Variants in PDE4DIP observed in about 807,000 individuals in gnomAD.
PDE4DIP encodes the protein myomegalin.
Under a neutral mutation model 221.4 loss-of-function variants are expected in PDE4DIP, and 59 were observed. The observed-to-expected ratio is 0.27, with a 90% CI of 0.22 to 0.33. The LOEUF is 0.33. PDE4DIP is among the 10% of genes least tolerant of loss of function. The pLI, the probability that PDE4DIP is intolerant of heterozygous loss-of-function variation, is 1.00. For missense variants in PDE4DIP, 1,036 were observed against 2,154.2 expected (o/e 0.48, Z 10.28); for synonymous variants, 404 against 815.9 (o/e 0.50, Z 8.60).
intron 20 of PDE4DIP, among the ~76,000 whole-genome samples, chr1:148,980,656 A>G (rs1318833444): frequency 6.6e-6 from 1 of 151,468 alleles, no homozygotes. Flanking sequence ...TATTATTATT[A>G]TTTTTGCTAT....
At chr1:148,981,700 T>C in intron 21 of PDE4DIP, 1 of 341,884 alleles carries the variant, frequency 2.9e-6, no homozygotes, top group South Asian at 3.0e-5. Flanking sequence ...GTTTTTCCAC[T>C]TTTATTCATT....
intron 13 of PDE4DIP, 96 bp downstream of exon 16, chr1:148,968,001 G>C: frequency 1.4e-6 from 1 of 722,176 alleles, no homozygotes; most frequent in South Asian, 2.5e-5. Context: ...TGTGACCCAA[G>C]TCTTTAATTT....
At chr1:149,015,320 G>C (rs1356407286) in intron 32 of PDE4DIP, among the ~76,000 whole-genome samples, 1 of 151,702 alleles carries the variant, frequency 6.6e-6, no homozygotes, top group Non-Finnish European at 1.5e-5. Flanking sequence ...CTACAAGTAG[G>C]GCTAAAAACT....
intron 42 of PDE4DIP, 80 bp downstream of exon 45, chr1:149,030,005 C>T: frequency 3.4e-6 from 2 of 587,926 alleles, no homozygotes; most frequent in Non-Finnish European, 2.9e-6. Flanking sequence ...GAGCAGTGAC[C>T]AGGGGGGCTT....
At chr1:148,984,712 A>ATTGTCCT (rs1388503894) in intron 21 of PDE4DIP, 1 of 152,070 alleles carries the variant, frequency 6.6e-6, no homozygotes, top group Non-Finnish European at 1.5e-5. Flanking sequence ...TATACTGAAA[A>ATTGTCCT]TTGTCCTTTT....
At chr1:148,960,091 A>G (rs2056524302) in intron 5 of PDE4DIP, among the ~76,000 whole-genome samples, 1 of 152,420 alleles carries the variant, frequency 6.6e-6, no homozygotes, top group Admixed American at 6.5e-5. Context: ...TTATTTCTTA[A>G]GGACAAGGAC....
chr1:148,885,837 T>C (rs1246366372), upstream of PDE4DIP, among the ~76,000 whole-genome samples: 1 of 109,570 alleles, frequency 9.1e-6, no homozygotes, highest in Admixed American at 9.7e-5. Flanking sequence ...TAGTATTATA[T>C]ATTACATACA....
chr1:148,997,498 G>A (rs2064538588), intron 22 of PDE4DIP, among the ~76,000 whole-genome samples: 1 of 152,176 alleles, frequency 6.6e-6, no homozygotes, highest in African/African-American at 2.4e-5. Flanking sequence ...CTGCTTGGCA[G>A]GATGGCTTCA....
chr1:148,974,850 C>G (rs1431158236), intron 17 of PDE4DIP, among the ~76,000 whole-genome samples: 1 of 66,272 alleles, frequency 1.5e-5, no homozygotes, highest in African/African-American at 5.4e-5. Context: ...ACCCTCTCTC[C>G]CCATTGCTAA....
At chr1:148,821,705 T>C (rs1156622380) in intron 1 of PDE4DIP, among the ~76,000 whole-genome samples, 1 of 144,620 alleles carries the variant, frequency 6.9e-6, no homozygotes, top group Non-Finnish European at 1.5e-5. Flanking sequence ...GAAGTGGATG[T>C]TATTCTAAGG....
chr1:148,888,671 A>T (rs2596268), upstream of PDE4DIP, among the ~76,000 whole-genome samples: 54 of 18,880 alleles, frequency 2.9e-3, no homozygotes, highest in African/African-American at 8.8e-3. Flanking sequence ...CTTCCTGCTA[A>T]TGTTGCAGCT....
At chr1:148,954,191 T>C (rs2054517871) in intron 5 of PDE4DIP, among the ~76,000 whole-genome samples, 1 of 152,110 alleles carries the variant, frequency 6.6e-6, no homozygotes, top group Non-Finnish European at 1.5e-5. Flanking sequence ...TTTTTTCCTA[T>C]AAAAAGAAGA....
chr1:148,877,226 T>C (rs1170383920), intron 3 of PDE4DIP, among the ~76,000 whole-genome samples: 37 of 150,272 alleles, frequency 2.5e-4, no homozygotes, highest in Middle Eastern at 3.4e-3. Flanking sequence ...GCAATTTGAC[T>C]GAATATTACA....
At chr1:148,948,747 T>C (rs1372207249) in intron 5 of PDE4DIP, among the ~76,000 whole-genome samples, 6 of 151,376 alleles carry the variant, frequency 4.0e-5, no homozygotes, top group African/African-American at 1.2e-4. Context: ...AACAATTCTA[T>C]ACACCTATGT....
At chr1:148,996,928 T>A (rs2064366034) in intron 22 of PDE4DIP, among the ~76,000 whole-genome samples, 1 of 152,244 alleles carries the variant, frequency 6.6e-6, no homozygotes, top group African/African-American at 2.4e-5. Flanking sequence ...AATTGGGGAA[T>A]GATTCAGTAT....
chr1:148,975,871 A>G (rs1387369726), intron 17 of PDE4DIP, among the ~76,000 whole-genome samples: 4 of 152,156 alleles, frequency 2.6e-5, no homozygotes, highest in Non-Finnish European at 2.9e-5. Context: ...CTAGATCTAT[A>G]ATATAAAACC....
In PDE4DIP at chr1:148,972,172, CT is replaced by C; in HGVS notation, c.1981-6del. 1.1e-6 allele frequency: 1 copy of C among 917,642 alleles called. No homozygotes were observed. Among genetic ancestry groups the C allele is most frequent in the Non-Finnish European group, 1.7e-6 (1 of 596,300 alleles). 56.8% of individuals were successfully genotyped at this position (917,642 alleles called of 1,614,324 possible). On this transcript the variant is annotated splice_polypyrimidine_tract_variant and splice_region_variant and intron_variant, in intron 14 of 43. Coordinates refer to ENST00000369354, the Ensembl canonical transcript of PDE4DIP. ...TTTATAATGTTATTTGTGATTTCCT[CT>C]TACTAGGCTGCTGCAGAGAAGTTGG... is the stretch of plus-strand genomic sequence containing the variant.
intron 1 of PDE4DIP, among the ~76,000 whole-genome samples, chr1:148,821,427 A>G (rs1669217053): frequency 6.6e-6 from 1 of 150,670 alleles, no homozygotes; most frequent in Non-Finnish European, 1.5e-5. Flanking sequence ...AAATTATTGG[A>G]TAAAGGCTCA....
chr1:148,890,695 C>T (rs111274248), intron 1 of PDE4DIP, among the ~76,000 whole-genome samples: 3 of 80,936 alleles, frequency 3.7e-5, no homozygotes, highest in African/African-American at 1.2e-4. Context: ...GCGGAGGTTG[C>T]GGTGAGACGG....
Sources: allele counts gnomAD v4.1 joint callset (sites outside exome capture counted in the v4.1 genomes callset), GRCh38; gene constraint gnomAD v4.1.1; transcripts MANE v1.5; gene names NCBI Gene and HGNC (gene_info 2026-07-23, HGNC 2026-07-21).